The following C7 variants were observed in gnomAD, a reference collection of about 807,000 sequenced individuals.
C7 encodes complement C7, also known as complement component C7.
Under a neutral mutation model 104.8 loss-of-function variants are expected in C7, and 83 were observed. The observed-to-expected ratio is 0.79, with a 90% CI of 0.66 to 0.95. C7 has a LOEUF of 0.95. C7 is among the 40% of genes least tolerant of loss of function. The pLI, the probability that C7 is intolerant of heterozygous loss-of-function variation, is 0.00. For missense variants in C7, 1,070 were observed against 1,011.2 expected, an observed-to-expected ratio of 1.06 and a Z score of -0.79; for synonymous variants, 415 against 360.6, an observed-to-expected ratio of 1.15 and a Z score of -1.71.
chr5:40,977,723 C>G (rs1740848925), intron 16 of C7, among the ~76,000 whole-genome samples: 1 of 152,184 alleles, frequency 6.6e-6, no homozygotes, highest in Admixed American at 6.5e-5. Context: ...CGAGGAAGTC[C>G]ACGATGTGGC....
chr5:40,927,233 T>C (rs1237095300), intron 1 of C7, among the ~76,000 whole-genome samples: 1 of 152,102 alleles, frequency 6.6e-6, no homozygotes, highest in East Asian at 1.9e-4. Flanking sequence ...TCTAGCATTG[T>C]ATATAAAAAT....
At chr5:40,948,800 C>T (rs764741790) in intron 8 of C7, among the ~76,000 whole-genome samples, 2 of 152,146 alleles carry the variant, frequency 1.3e-5, no homozygotes, top group Non-Finnish European at 2.9e-5. Flanking sequence ...AGGTCTTTCT[C>T]TTCAGAAAAG....
chr5:40,931,726 A>G (rs533550223), intron 3 of C7, among the ~76,000 whole-genome samples: 1 of 152,346 alleles, frequency 6.6e-6, no homozygotes, highest in African/African-American at 2.4e-5. Context: ...ACAGAAAGTT[A>G]TGAAGAAATA....
At chr5:40,961,511 AG>A (rs1366997872) in intron 12 of C7, among the ~76,000 whole-genome samples, 9 of 151,800 alleles carry the variant, frequency 5.9e-5, no homozygotes, top group African/African-American at 1.7e-4. Flanking sequence ...CAGCCTCCTA[AG>A]TGGCTGGGAT....
At chr5:40,927,291 A>G (rs1739573449) in intron 1 of C7, among the ~76,000 whole-genome samples, 2 of 152,084 alleles carry the variant, frequency 1.3e-5, no homozygotes, top group Non-Finnish European at 2.9e-5. Context: ...GAAACTGAAA[A>G]ATTAATTGAA....
chr5:40,958,297 A>T (rs1740345124), intron 11 of C7, 36 bp downstream of exon 11: 1 of 1,323,354 alleles, frequency 7.6e-7, no homozygotes, highest in African/African-American at 1.5e-5. Flanking sequence ...CACCCTGTAC[A>T]CATTGAAAGG....
intron 15 of C7, among the ~76,000 whole-genome samples, chr5:40,973,503 G>T (rs1740745977): frequency 6.6e-6 from 1 of 152,182 alleles, no homozygotes; most frequent in Non-Finnish European, 1.5e-5. Context: ...ATGCGACAGG[G>T]TATGGAGCAC....
At position 40,955,571 on chromosome 5, in the gene C7, T is replaced by A; in HGVS notation, c.1260+18T>A. 1 of 1,603,540 alleles carries A rather than the reference T, an allele frequency of 6.2e-7. No individual in the cohort carries two copies. Among genetic ancestry groups the A allele is most frequent in the East Asian group, 2.2e-5 (1 of 44,558 alleles). ...AACAAAAGGTATGTCAGGCTTTGTT[T>A]AAAGCAATAGGAAGCAGTCATGTTT... is the stretch of plus-strand genomic sequence containing the variant. On this transcript the variant is annotated intron_variant, in intron 10 of 17. Transcript: ENST00000313164.
At chr5:40,933,400 C>A (rs535953283) in intron 3 of C7, among the ~76,000 whole-genome samples, 12 of 152,170 alleles carry the variant, frequency 7.9e-5, no homozygotes, top group Non-Finnish European at 1.3e-4. Flanking sequence ...GAGGAAGAGG[C>A]CTGGAAGATG....
chr5:40,925,279 C>A (rs949315511), intron 1 of C7, among the ~76,000 whole-genome samples: 7 of 152,150 alleles, frequency 4.6e-5, no homozygotes, highest in African/African-American at 1.7e-4. Flanking sequence ...TAAGTTCAAA[C>A]TTCTACAGAT....
intron 5 of C7, among the ~76,000 whole-genome samples, chr5:40,936,779 A>G (rs953208997): frequency 1.3e-5 from 2 of 152,098 alleles, no homozygotes; most frequent in Non-Finnish European, 2.9e-5. Flanking sequence ...TGGTCACTTC[A>G]TGGGGGTTGG....
chr5:40,964,020 C>CTTTTT (rs869250524), intron 13 of C7, among the ~76,000 whole-genome samples: 3,329 of 39,870 alleles, frequency 0.083, 641 homozygotes, highest in East Asian at 0.18. Context: ...GCTCATAATA[C>CTTTTT]TTTTTTTTTT....
intron 1 of C7, among the ~76,000 whole-genome samples, chr5:40,923,469 G>A (rs1219607535): frequency 6.6e-6 from 1 of 152,188 alleles, no homozygotes; most frequent in Admixed American, 6.5e-5. Context: ...GAGGGGTCCA[G>A]GTGTGGTGGC....
At chr5:40,933,188 G>A (rs1169346620) in intron 3 of C7, among the ~76,000 whole-genome samples, 4 of 152,224 alleles carry the variant, frequency 2.6e-5, no homozygotes, top group Non-Finnish European at 4.4e-5. Context: ...AGGCTGGTGC[G>A]TACCTGCTCA....
intron 6 of C7, among the ~76,000 whole-genome samples, chr5:40,943,755 AT>A (rs1313048858): frequency 6.6e-6 from 1 of 152,048 alleles, no homozygotes; most frequent in Non-Finnish European, 1.5e-5. Context: ...GAATTTTTGC[AT>A]CTGACTTTTA....
intron 13 of C7, 113 bp downstream of exon 13, chr5:40,962,285 A>G (rs965915994): frequency 1.1e-5 from 6 of 566,144 alleles, no homozygotes; most frequent in Admixed American, 9.9e-5. Context: ...AATATTTTAT[A>G]TATGCATTTT....
At chr5:40,912,288 A>G (rs1390925853) in intron 1 of C7, among the ~76,000 whole-genome samples, 2 of 152,190 alleles carry the variant, frequency 1.3e-5, no homozygotes, top group Admixed American at 6.5e-5. Context: ...GATGGGTTAT[A>G]ATGAGTATGT....
rs1203330631 is a variant in C7 at position 40,943,174 on chromosome 5, G to A, written c.568-2024G>A. ...AATGATTGAAGTCATGAGCCAAGAA[G>A]CCTAAGCTGAAACAGGAAGGAAGTG... On this transcript the variant is annotated intron_variant, in intron 6 of 17. Coordinates refer to ENST00000313164, the MANE Select transcript of C7 (RefSeq NM_000587.4). Among the ~76,000 whole-genome samples, 4 of 152,204 alleles carry A rather than the reference G, an allele frequency of 2.6e-5. No homozygotes were observed. The East Asian group carries it at 5.8e-4, about 22-fold the overall frequency.
chr5:40,914,881 C>T (rs1014610020), intron 1 of C7, among the ~76,000 whole-genome samples: 3 of 152,108 alleles, frequency 2.0e-5, no homozygotes, highest in South Asian at 2.1e-4. Context: ...AGTTACAGCG[C>T]GGACATTCAG....
Sources: gnomAD v4.1 joint callset for allele counts (sites outside exome capture counted in the v4.1 genomes callset) on GRCh38, gnomAD v4.1.1 for gene constraint, MANE v1.5 for transcripts, NCBI Gene and HGNC (gene_info 2026-07-23, HGNC 2026-07-21) for gene names.